The following OXNAD1 variants were observed in gnomAD, a reference collection of about 807,000 sequenced individuals.
The protein encoded by OXNAD1 is oxidoreductase NAD binding domain containing 1.
A neutral mutation model predicts 32.9 loss-of-function variants in OXNAD1; 34 were observed. The observed-to-expected ratio is 1.03, with a 90% confidence interval of 0.79 to 1.38. The LOEUF (loss-of-function observed/expected upper bound fraction) is 1.38. Ranked by LOEUF, OXNAD1 falls within the 40% of genes most tolerant of loss-of-function variation. The probability of loss-of-function intolerance (pLI) is 0.00; values close to 1 mark genes in which losing one functional copy is unlikely to be tolerated. For missense variants in OXNAD1, 407 were observed against 379.4 expected (o/e 1.07, Z -0.60); for synonymous variants, 134 against 135.2 (o/e 0.99, Z 0.06).
At chr3:16,351,025 G>T (rs772253610), downstream of OXNAD1, among the ~76,000 whole-genome samples, 4 of 152,214 alleles carry the variant, frequency 2.6e-5, no homozygotes, top group Admixed American at 6.5e-5. This position sits in a 1 kb window ranked among gnomAD's most constrained non-coding sequence, Gnocchi z 5.4. Context: ...GAAACCTGCA[G>T]AACTTCATGA....
rs531751365 is a variant in OXNAD1 at position 16,268,313 on chromosome 3, C to CTTTTTTTTTT, written c.-158-789_-158-780dup. 5.6e-4 allele frequency among the ~76,000 whole-genome samples: 34 copies of CTTTTTTTTTT among 61,002 alleles called. 5 individuals are homozygous for CTTTTTTTTTT. Among genetic ancestry groups the CTTTTTTTTTT allele is most frequent in the Non-Finnish European group, 8.5e-4 (26 of 30,416 alleles). 40.0% of individuals were successfully genotyped at this position (61,002 alleles called of 152,430 possible). ...AATCTTAGGATTTTAAAGAGAACTC[C>CTTTTTTTTTT]TTTTTTTTTTTTTTTTTTTTTTTTT... On this transcript the variant is annotated intron_variant, in intron 1 of 8. Transcript: ENST00000285083.
At position 16,328,412 on chromosome 3, in the gene OXNAD1, C is replaced by G. The variant is rs2069952659; in HGVS notation, c.*31-8700C>G. Among the ~76,000 whole-genome samples the G allele has an allele frequency of 2.0e-5, 3 of 152,176 alleles. No homozygotes were observed. In the South Asian group the frequency reaches 6.2e-4, roughly 32 times the overall value. On this transcript the variant is annotated intron_variant, in intron 9 of 9. Coordinates refer to the OXNAD1 transcript ENST00000435829. Reference sequence around the variant, plus strand: ...GAACAAAACCAGCTCATCTGGATGCCCTGGGCGAGTGGGATGGAAGGCAGA... The same window carrying G: ...GAACAAAACCAGCTCATCTGGATGCGCTGGGCGAGTGGGATGGAAGGCAGA...
chr3:16,313,261 TC>T (rs1411860034), intron 9 of OXNAD1, among the ~76,000 whole-genome samples: 3 of 149,704 alleles, frequency 2.0e-5, no homozygotes, highest in African/African-American at 7.5e-5. Context: ...CAGGCTGGTC[TC>T]GAACTCCTGA....
At chr3:16,331,538 A>AT (rs2070312401) in intron 9 of OXNAD1, among the ~76,000 whole-genome samples, 1 of 151,972 alleles carries the variant, frequency 6.6e-6, no homozygotes, top group Non-Finnish European at 1.5e-5. Context: ...TATTACCTCC[A>AT]TTTTTTTCAT....
chr3:16,311,010 A>AG (rs1403293982), downstream of OXNAD1, among the ~76,000 whole-genome samples: 7 of 147,688 alleles, frequency 4.7e-5, no homozygotes, highest in Non-Finnish European at 1.0e-4. Context: ...AAAAAAAAAA[A>AG]AAAATCATCT....
At chr3:16,278,978 G>A (rs2065548891) in intron 4 of OXNAD1, among the ~76,000 whole-genome samples, 1 of 152,268 alleles carries the variant, frequency 6.6e-6, no homozygotes, top group South Asian at 2.1e-4. Flanking sequence ...ACCTATGCAT[G>A]TCAAGGAGAT....
In OXNAD1 at chr3:16,303,686, TA is replaced by T; in HGVS notation, c.*125del. On this transcript the variant is annotated 3_prime_UTR_variant, in exon 9 of 9. Transcript: ENST00000285083. The surrounding 1 kb of genome is among the most constrained non-coding windows in gnomAD (Gnocchi z 4.8). ...GTCTTATTTTTTAAGGCTATAAACTTAGTGACCAGCTGGATAATAAAAGCCA... is the reference window on the plus strand; with the variant it reads ...GTCTTATTTTTTAAGGCTATAAACTTGTGACCAGCTGGATAATAAAAGCCA... 9.2e-7 allele frequency: 1 copy of T among 1,085,364 alleles called. No individual in the cohort carries two copies. The highest frequency in any genetic ancestry group is 1.2e-6 in the Non-Finnish European group (1 of 801,268). The allele number at this position is 1,085,364 out of a possible 1,614,324, so 67.2% of individuals were successfully genotyped here. A position where few individuals can be genotyped will look rare whatever the true frequency, so the allele number is the denominator to read the frequency against.
chr3:16,335,632 G>C lies in OXNAD1; in HGVS notation c.*31-1480G>C, dbSNP rs2070769604. Among the ~76,000 whole-genome samples the C allele has an allele frequency of 6.6e-6, 1 of 152,178 alleles. No homozygotes were observed. Among genetic ancestry groups the C allele is most frequent in the South Asian group, 2.1e-4 (1 of 4,826 alleles). On this transcript the variant is annotated intron_variant, in intron 9 of 9. Transcript: ENST00000435829. The surrounding 1 kb of genome is among the most constrained non-coding windows in gnomAD (Gnocchi z 4.7). Reference sequence around the variant, plus strand: ...ACACACTGGGACCTGTTGGAGGTGTGGGAGGAGGGAGAGCATCAGGAAAAA... The same window carrying C: ...ACACACTGGGACCTGTTGGAGGTGTCGGAGGAGGGAGAGCATCAGGAAAAA...
At position 16,301,637 on chromosome 3, in the gene OXNAD1, CTG is replaced by C. The variant is rs1559767583; in HGVS notation, c.447_448del (p.Cys149Ter). On this transcript the variant is annotated frameshift_variant, in exon 7 of 9. Coordinates refer to ENST00000285083, the MANE Select transcript of OXNAD1 (RefSeq NM_138381.5). LOFTEE classifies it high-confidence loss of function. The surrounding 1 kb of genome is among the most constrained non-coding windows in gnomAD (Gnocchi z 4.1). ...LWVHNTCTLD[C>X]EVAVRVGGEF... is the part of the protein sequence containing the mutation. ...CTTTCCTGCCTTAGTGTACACTTGA[CTG>C]TGAAGTGGCTGTGAGAGTGGGTGGA... 9 of 1,613,948 alleles carry C rather than the reference CTG, an allele frequency of 5.6e-6. No homozygotes were observed. Among genetic ancestry groups the C allele is most frequent in the Non-Finnish European group, 7.6e-6 (9 of 1,179,924 alleles).
At chr3:16,319,997 T>A (rs2068861600) in intron 9 of OXNAD1, among the ~76,000 whole-genome samples, 1 of 152,222 alleles carries the variant, frequency 6.6e-6, no homozygotes, top group South Asian at 2.1e-4. Context: ...AGAGCATCTG[T>A]GGCAGTTGGG....
intron 9 of OXNAD1, among the ~76,000 whole-genome samples, chr3:16,319,713 C>T (rs181571924): frequency 2.8e-4 from 42 of 152,256 alleles, no homozygotes; most frequent in African/African-American, 8.9e-4. Flanking sequence ...TAATACAAAA[C>T]GAGAACACAA....
At chr3:16,319,073 C>T (rs933714956) in intron 9 of OXNAD1, among the ~76,000 whole-genome samples, 1 of 152,214 alleles carries the variant, frequency 6.6e-6, no homozygotes, top group Non-Finnish European at 1.5e-5. Flanking sequence ...TTCGTAACTG[C>T]TGCCCTGTGT....
At position 16,321,830 on chromosome 3, in the gene OXNAD1, C is replaced by T. The variant is rs1393108082; in HGVS notation, c.*31-15282C>T. 6.6e-6 allele frequency among the ~76,000 whole-genome samples: 1 copy of T among 152,202 alleles called. No homozygotes were observed. Among genetic ancestry groups the T allele is most frequent in the Admixed American group, 6.5e-5 (1 of 15,278 alleles). ...GAGGAGAGTCAGTTCAACCTTATTA[C>T]AGCAGCTTTTACAAATCTATCTCTA... On this transcript the variant is annotated intron_variant, in intron 9 of 9. Transcript: ENST00000435829. The surrounding 1 kb of genome is among the most constrained non-coding windows in gnomAD (Gnocchi z 4.8).
At position 16,275,060 on chromosome 3, in the gene OXNAD1, A is replaced by G. The variant is rs543207260; in HGVS notation, c.183+3338A>G. ...TAGCTTTAAAGCCTTTTTACTCTGT[A>G]TCATAGTGACATCCCCTGTTGTAAA... On this transcript the variant is annotated intron_variant, in intron 4 of 8. Transcript: ENST00000285083. 2.6e-5 allele frequency: 4 copies of G among 154,816 alleles called. No homozygotes were observed. The Admixed American group carries it at 2.6e-4, about 10-fold the overall frequency. 9.6% of individuals were successfully genotyped at this position (154,816 alleles called of 1,614,324 possible).
chr3:16,297,212 T>C lies in OXNAD1; in HGVS notation c.432+2215T>C, dbSNP rs1038704997. ...GACACTTCAGTAAAAAAGGATATGA[T>C]GATGGCAAATAAGCAATGAAAGGTA... On this transcript the variant is annotated intron_variant, in intron 6 of 8. Coordinates refer to ENST00000285083, the MANE Select transcript of OXNAD1 (RefSeq NM_138381.5). The surrounding 1 kb of genome is among the most constrained non-coding windows in gnomAD (Gnocchi z 4.3). Among the ~76,000 whole-genome samples the C allele has an allele frequency of 1.3e-5, 2 of 152,148 alleles. No homozygotes were observed. Among genetic ancestry groups the C allele is most frequent in the Admixed American group, 6.5e-5 (1 of 15,276 alleles).
chr3:16,324,893 C>T (rs539420889), intron 9 of OXNAD1, among the ~76,000 whole-genome samples: 53 of 151,928 alleles, frequency 3.5e-4, no homozygotes, highest in African/African-American at 1.2e-3. Context: ...TTCTGAGAAA[C>T]CTCTGTACTA....
At position 16,269,183 on chromosome 3, in the gene OXNAD1, T is replaced by TCCAAAA; in HGVS notation, c.-100_-95dup. 6.6e-7 allele frequency: 1 copy of TCCAAAA among 1,524,990 alleles called. No homozygotes were observed. The highest frequency in any genetic ancestry group is 1.2e-5 in the South Asian group (1 of 81,344). 94.5% of individuals were successfully genotyped at this position (1,524,990 alleles called of 1,614,324 possible). A position where few individuals can be genotyped will look rare whatever the true frequency, so the allele number is the denominator to read the frequency against. ...CTGTCCATGTTCCAACTGCTGTACA[T>TCCAAAA]CCAAAAGTCTCAGTGTAATAGCAGG... On this transcript the variant is annotated 5_prime_UTR_variant, in exon 2 of 9. Coordinates refer to ENST00000285083, the MANE Select transcript of OXNAD1 (RefSeq NM_138381.5).
intron 4 of OXNAD1, among the ~76,000 whole-genome samples, chr3:16,278,867 C>T (rs2065542775): frequency 6.6e-6 from 1 of 152,164 alleles, no homozygotes; most frequent in South Asian, 2.1e-4. Flanking sequence ...TTATAATCCG[C>T]TTGTGATCTT....
chr3:16,313,669 T>C (rs1002765246), intron 9 of OXNAD1: 14 of 152,220 alleles, frequency 9.2e-5, no homozygotes, highest in African/African-American at 3.1e-4. Context: ...CTTGAGGCGA[T>C]TGATGCTCAG....
Sources: gnomAD v4.1 joint callset for allele counts (sites outside exome capture counted in the v4.1 genomes callset) on GRCh38, gnomAD v4.1.1 for gene constraint, Gnocchi (gnomAD v3.1) non-coding constraint, MANE v1.5 for transcripts, NCBI Gene and HGNC (gene_info 2026-07-23, HGNC 2026-07-21) for gene names.